The following PCDH9 variants were observed in gnomAD, a reference collection of about 807,000 sequenced individuals.
PCDH9 encodes the protein protocadherin 9.
In PCDH9, 24 loss-of-function variants were observed where a neutral mutation model predicts 70.6. That is an observed-to-expected ratio of 0.34 (90% CI 0.25 to 0.48). The LOEUF (loss-of-function observed/expected upper bound fraction) is 0.48. Ranked by LOEUF, PCDH9 falls within the 20% of genes least tolerant of loss-of-function variation. The pLI is 0.99. For synonymous variants in PCDH9, 562 were observed against 558.5 expected, an observed-to-expected ratio of 1.01 and a Z score of -0.09; for missense variants, 1,281 against 1,503.6, an observed-to-expected ratio of 0.85 and a Z score of 2.45.
At chr13:66,851,823 AC>A (rs2081319587) in intron 3 of PCDH9, among the ~76,000 whole-genome samples, 1 of 152,176 alleles carries the variant, frequency 6.6e-6, no homozygotes, top group African/African-American at 2.4e-5. Context: ...AATACTGTGG[AC>A]TAGGTGGCTT....
At chr13:66,706,043 GC>G (rs1199738993) in intron 3 of PCDH9, among the ~76,000 whole-genome samples, 1 of 152,144 alleles carries the variant, frequency 6.6e-6, no homozygotes, top group Non-Finnish European at 1.5e-5. Context: ...CACACTTGGG[GC>G]CAAAAGACAG....
chr13:67,088,920 G>A (rs2086162580), intron 2 of PCDH9, among the ~76,000 whole-genome samples: 1 of 152,046 alleles, frequency 6.6e-6, no homozygotes, highest in African/African-American at 2.4e-5. Flanking sequence ...TGAAAGAAGA[G>A]TAAGAGCAGT....
chr13:66,444,841 A>G (rs1958041065), intron 4 of PCDH9, among the ~76,000 whole-genome samples: 1 of 151,990 alleles, frequency 6.6e-6, no homozygotes, highest in Non-Finnish European at 1.5e-5. Context: ...GATTACAGGC[A>G]TGAGCCACCA....
intron 2 of PCDH9, among the ~76,000 whole-genome samples, chr13:67,017,080 A>G (rs1247420124): frequency 6.6e-6 from 1 of 152,238 alleles, no homozygotes; most frequent in Non-Finnish European, 1.5e-5. Context: ...AGTGTGTGGA[A>G]AAGAAGTTGC....
At chr13:66,887,453 C>G (rs1466833981) in intron 3 of PCDH9, among the ~76,000 whole-genome samples, 4 of 151,884 alleles carry the variant, frequency 2.6e-5, no homozygotes, top group Non-Finnish European at 4.4e-5. Flanking sequence ...AAAGGAAACA[C>G]AAGTATATTT....
At chr13:67,211,973 A>T (rs973872116) in intron 2 of PCDH9, 3 of 152,098 alleles carry the variant, frequency 2.0e-5, no homozygotes, top group African/African-American at 7.2e-5. Flanking sequence ...ATTTTTAGAG[A>T]ACCACTGTCT....
intron 4 of PCDH9, among the ~76,000 whole-genome samples, chr13:66,560,210 C>T (rs989296513): frequency 6.6e-6 from 1 of 151,998 alleles, no homozygotes; most frequent in African/African-American, 2.4e-5. Flanking sequence ...ATATCTTTTC[C>T]TGTTTCAGAC....
At chr13:67,017,155 C>T (rs754425813) in intron 2 of PCDH9, among the ~76,000 whole-genome samples, 14 of 152,172 alleles carry the variant, frequency 9.2e-5, no homozygotes, top group Non-Finnish European at 1.5e-4. Flanking sequence ...CTGTCTTACA[C>T]TGTTTAGAAA....
intron 4 of PCDH9, among the ~76,000 whole-genome samples, chr13:66,346,439 A>C (rs539182708): frequency 6.6e-6 from 1 of 152,302 alleles, no homozygotes; most frequent in East Asian, 1.9e-4. Context: ...GTGGTTGCTG[A>C]AATAACTAAC....
intron 2 of PCDH9, among the ~76,000 whole-genome samples, chr13:67,049,706 A>T (rs982685898): frequency 1.3e-5 from 2 of 152,204 alleles, no homozygotes; most frequent in Non-Finnish European, 2.9e-5. Flanking sequence ...GGAGATATTT[A>T]CCTTGCCAGT....
chr13:67,179,785 C>G (rs1014416821), intron 2 of PCDH9, among the ~76,000 whole-genome samples: 3 of 152,028 alleles, frequency 2.0e-5, no homozygotes, highest in Non-Finnish European at 4.4e-5. Context: ...CACCATTTTT[C>G]TGTTCAATTT....
At chr13:66,413,457 C>A (rs1014828019) in intron 4 of PCDH9, among the ~76,000 whole-genome samples, 1 of 152,054 alleles carries the variant, frequency 6.6e-6, no homozygotes, top group African/African-American at 2.4e-5. Flanking sequence ...GAGGCCGAGG[C>A]AGGCAAATCA....
intron 4 of PCDH9, among the ~76,000 whole-genome samples, chr13:66,608,023 G>GA: frequency 6.6e-6 from 1 of 152,032 alleles, no homozygotes; most frequent in South Asian, 2.1e-4. Flanking sequence ...TAAATAAATG[G>GA]AAAAATATAT....
intron 3 of PCDH9, among the ~76,000 whole-genome samples, chr13:66,690,345 G>A (rs9571627): frequency 0.31 from 46,987 of 151,908 alleles, 8,224 homozygotes; most frequent in East Asian, 0.51. Flanking sequence ...AAAAAACTTC[G>A]AGGTAATCCT....
chr13:66,561,093 C>A (rs1006285380), intron 4 of PCDH9, among the ~76,000 whole-genome samples: 1 of 152,230 alleles, frequency 6.6e-6, no homozygotes, highest in African/African-American at 2.4e-5. Flanking sequence ...ACCCGGGCTG[C>A]GCGTGGTGCT....
intron 4 of PCDH9, among the ~76,000 whole-genome samples, chr13:66,599,116 G>T (rs944477704): frequency 1.3e-5 from 2 of 151,602 alleles, no homozygotes; most frequent in Non-Finnish European, 2.9e-5. Flanking sequence ...TATTTTAAAA[G>T]TTATGTTAAT....
intron 3 of PCDH9, among the ~76,000 whole-genome samples, chr13:66,867,239 C>A (rs1190601690): frequency 6.6e-6 from 1 of 152,106 alleles, no homozygotes; most frequent in Admixed American, 6.5e-5. Context: ...TCCCATTATA[C>A]TATTTCCCAG....
At chr13:66,682,352 TTATCTATC>T (rs67403062) in intron 3 of PCDH9, among the ~76,000 whole-genome samples, 35,541 of 150,052 alleles carry the variant, frequency 0.24, 4,367 homozygotes, top group Middle Eastern at 0.28. Flanking sequence ...GCTGTATTTA[TTATCTATC>T]TATCTATCTA....
At chr13:66,952,303 C>CT (rs1258232638) in intron 2 of PCDH9, among the ~76,000 whole-genome samples, 1 of 152,106 alleles carries the variant, frequency 6.6e-6, no homozygotes, top group Non-Finnish European at 1.5e-5. Flanking sequence ...CTACAGCCAC[C>CT]ACTGTTCTAA....
Sources: allele counts gnomAD v4.1 joint callset (sites outside exome capture counted in the v4.1 genomes callset), GRCh38; gene constraint gnomAD v4.1.1; transcripts MANE v1.5; gene names NCBI Gene and HGNC (gene_info 2026-07-23, HGNC 2026-07-21).